NFAT5: variants seen among roughly 807,000 people sequenced by gnomAD.
NFAT5 encodes the protein nuclear factor of activated T cells 5, also known as nuclear factor of activated T-cells 5.
A neutral mutation model predicts 166.5 loss-of-function variants in NFAT5; 31 were observed. The observed-to-expected ratio is 0.19, with a 90% CI of 0.14 to 0.25. The LOEUF (loss-of-function observed/expected upper bound fraction) is 0.25, where lower values mean the gene tolerates loss of function less well. Among genes scored for constraint, NFAT5 ranks in the 10% least tolerant of loss-of-function variants. The pLI is 1.00. For synonymous variants in NFAT5, 612 were observed against 639.7 expected, an observed-to-expected ratio of 0.96 and a Z score of 0.65; for missense variants, 1,449 against 1,821.8, an observed-to-expected ratio of 0.80 and a Z score of 3.72.
Position 69,704,517 on chromosome 16 carries a change from T to C in NFAT5, c.*8166T>C, listed in dbSNP as rs546803639. Reference sequence around the variant, plus strand: ...AGTTTGTTCTCTGGGGGAATTTCATTTGCATCTATGTTTTTAGCTATCTGT... The same window carrying C: ...AGTTTGTTCTCTGGGGGAATTTCATCTGCATCTATGTTTTTAGCTATCTGT... On this transcript the variant is annotated 3_prime_UTR_variant, in exon 15 of 15. Transcript: ENST00000349945. 60 of 152,796 alleles carry C rather than the reference T, an allele frequency of 3.9e-4. No homozygotes were observed. The highest frequency in any genetic ancestry group is 1.4e-3 in the African/African-American group (59 of 41,586). 9.5% of individuals were successfully genotyped at this position (152,796 alleles called of 1,614,324 possible). A position where few individuals can be genotyped will look rare whatever the true frequency, so the allele number is the denominator to read the frequency against.
rs1567612199 is a variant in NFAT5 at position 69,691,734 on chromosome 16, A to G, written c.1924-15A>G. On this transcript the variant is annotated splice_polypyrimidine_tract_variant and intron_variant, in intron 12 of 14. Transcript: ENST00000349945. Reference sequence around the variant, plus strand: ...GTTTATATATTCATAATATTTGGGGATTTTTATTTTTTAGACTACAAAGTC... The same window carrying G: ...GTTTATATATTCATAATATTTGGGGGTTTTTATTTTTTAGACTACAAAGTC... 1.3e-6 allele frequency: 2 copies of G among 1,578,394 alleles called. No homozygotes were observed. Among genetic ancestry groups the G allele is most frequent in the African/African-American group, 1.4e-5 (1 of 73,008 alleles).
chr16:69,568,428 A>T, intron 1 of NFAT5, 67 bp from the exon 2 acceptor site: 1 of 1,162,720 alleles, frequency 8.6e-7, no homozygotes, highest in Non-Finnish European at 1.3e-6. Context: ...TAAGAGATGT[A>T]TGCTATCCTT....
At chr16:69,633,909 T>C (rs1240838033) in intron 3 of NFAT5, among the ~76,000 whole-genome samples, 1 of 152,138 alleles carries the variant, frequency 6.6e-6, no homozygotes, top group Non-Finnish European at 1.5e-5. Flanking sequence ...TTCTGTACAT[T>C]ATATGTATCA....
chr16:69,567,202 A>G (rs1377004954), intron 1 of NFAT5, among the ~76,000 whole-genome samples: 1 of 152,200 alleles, frequency 6.6e-6, no homozygotes, highest in Admixed American at 6.5e-5. Context: ...GGCTGGTTGC[A>G]GGGAGGGAGC....
At chr16:69,575,241 C>T (rs2016678163) in intron 2 of NFAT5, among the ~76,000 whole-genome samples, 1 of 152,088 alleles carries the variant, frequency 6.6e-6, no homozygotes, top group Admixed American at 6.5e-5. Flanking sequence ...GATCTGGGCT[C>T]AGTGCAACCT....
intron 3 of NFAT5, among the ~76,000 whole-genome samples, chr16:69,638,608 C>T (rs1048237062): frequency 3.2e-4 from 49 of 151,768 alleles, no homozygotes; most frequent in African/African-American, 1.1e-3. Flanking sequence ...TGGTGGTGGG[C>T]GCCTGTAATC....
At chr16:69,578,347 C>T (rs573724803) in intron 2 of NFAT5, among the ~76,000 whole-genome samples, 2 of 152,228 alleles carry the variant, frequency 1.3e-5, no homozygotes, top group South Asian at 2.1e-4. Context: ...CTATCTTGTG[C>T]TTAACTATGT....
Position 69,692,289 on chromosome 16 carries a change from G to A in NFAT5, c.2464G>A (p.Ala822Thr), listed in dbSNP as rs1404438121. ...SVDLVQQVLEAQQQLSSVLFS... is the reference protein window; with the variant it reads ...SVDLVQQVLETQQQLSSVLFS... ...TGACTTGGTCCAACAAGTTTTAGAG[G>A]CACAGCAGCAGTTATCTTCAGTTTT... The change falls in exon 13 of 15, where the codon GCA becomes ACA. Residue 822 changes from alanine to threonine, a missense_variant. Coordinates refer to ENST00000349945, the MANE Select transcript of NFAT5 (RefSeq NM_138713.4). The A allele has an allele frequency of 6.2e-7, 1 of 1,614,164 alleles. No individual in the cohort carries two copies. The highest frequency in any genetic ancestry group is 8.5e-7 in the Non-Finnish European group (1 of 1,180,034).
intron 9 of NFAT5, among the ~76,000 whole-genome samples, chr16:69,676,061 C>T (rs1331611782): frequency 1.3e-5 from 2 of 152,142 alleles, no homozygotes; most frequent in African/African-American, 2.4e-5. Flanking sequence ...ATTTTCTATT[C>T]AACTGAGTCA....
intron 2 of NFAT5, among the ~76,000 whole-genome samples, chr16:69,621,824 T>C (rs748941608): frequency 2.0e-5 from 3 of 152,100 alleles, no homozygotes; most frequent in South Asian, 4.2e-4. Flanking sequence ...TTAAAAAAAT[T>C]AGCCAGTGTA....
At chr16:69,612,256 G>T (rs542511582) in intron 2 of NFAT5, among the ~76,000 whole-genome samples, 14 of 152,144 alleles carry the variant, frequency 9.2e-5, no homozygotes, top group Non-Finnish European at 1.9e-4. Context: ...ACATGACATA[G>T]TTTTGGTCCA....
chr16:69,642,673 C>G (rs540877325), intron 3 of NFAT5, among the ~76,000 whole-genome samples: 1 of 151,762 alleles, frequency 6.6e-6, no homozygotes, highest in East Asian at 2.0e-4. Flanking sequence ...AAAAATTAGC[C>G]GGACGTGGTG....
intron 2 of NFAT5, among the ~76,000 whole-genome samples, chr16:69,589,306 T>C (rs1046929203): frequency 1.3e-5 from 2 of 152,194 alleles, no homozygotes; most frequent in Non-Finnish European, 2.9e-5. Flanking sequence ...CTACTTCTTT[T>C]TTAGTAGCCC....
intron 3 of NFAT5, among the ~76,000 whole-genome samples, chr16:69,627,788 A>G (rs1320660426): frequency 1.3e-5 from 2 of 152,206 alleles, no homozygotes; most frequent in Admixed American, 6.5e-5. Context: ...TAGTAATCAA[A>G]TTGATAAGAT....
At position 69,670,266 on chromosome 16, in the gene NFAT5, T is replaced by C. The variant is rs2036572887; in HGVS notation, c.1535T>C (p.Ile512Thr). 1 of 1,587,962 alleles carries C rather than the reference T, an allele frequency of 6.3e-7. No individual in the cohort carries two copies. The highest frequency in any genetic ancestry group is 8.6e-7 in the Non-Finnish European group (1 of 1,166,800). The change falls in exon 9 of 15, where the codon ATT becomes ACT. Residue 512 changes from isoleucine (I) to threonine (T), a missense_variant. This residue lies in a region of NFAT5 where 245 missense variants were observed against 366.6 expected (regional missense o/e 0.67). Transcript: ENST00000349945. ...DENSWKSEAE[I>T]DMELFHQNHL... ...AACTCTTGGAAGTCAGAAGCTGAAA[T>C]TGATATGGAACTATTTCATCAGGTA...
intron 1 of NFAT5, among the ~76,000 whole-genome samples, chr16:69,567,795 A>G (rs751172235): frequency 1.6e-4 from 24 of 152,224 alleles, no homozygotes; most frequent in Non-Finnish European, 2.8e-4. Context: ...TCAAAAAAAA[A>G]AGAGACATAT....
At chr16:69,669,416 G>A (rs528582491) in intron 7 of NFAT5, among the ~76,000 whole-genome samples, 2 of 152,120 alleles carry the variant, frequency 1.3e-5, no homozygotes. Context: ...GTGGTAGTGT[G>A]CATCTGTAAT....
intron 9 of NFAT5, among the ~76,000 whole-genome samples, chr16:69,675,761 T>C (rs1488710946): frequency 2.0e-5 from 3 of 152,172 alleles, no homozygotes; most frequent in Non-Finnish European, 4.4e-5. Flanking sequence ...TGCCTCAGCC[T>C]CCTGAGTAGC....
intron 3 of NFAT5, among the ~76,000 whole-genome samples, chr16:69,643,134 T>A (rs1214599389): frequency 1.3e-5 from 2 of 151,214 alleles, no homozygotes; most frequent in Non-Finnish European, 2.9e-5. Flanking sequence ...GGAGAATCAC[T>A]TGAAACCTGG....
Sources: gnomAD v4.1 joint callset for allele counts (sites outside exome capture counted in the v4.1 genomes callset) on GRCh38, gnomAD v4.1.1 for gene constraint, gnomAD v4.1.1 regional missense constraint, MANE v1.5 for transcripts, NCBI Gene and HGNC (gene_info 2026-07-23, HGNC 2026-07-21) for gene names.